CTNNA2: variants seen among roughly 807,000 people sequenced by gnomAD.
CTNNA2 encodes catenin alpha-2.
A neutral mutation model predicts 101.0 loss-of-function variants in CTNNA2; 42 were observed. The observed-to-expected ratio is 0.42, with a 90% CI of 0.32 to 0.54. The LOEUF (loss-of-function observed/expected upper bound fraction) is 0.54. Among genes scored for constraint, CTNNA2 ranks in the 20% least tolerant of loss-of-function variants. The pLI, the probability that CTNNA2 is intolerant of heterozygous loss-of-function variation, is 0.14. For missense variants in CTNNA2, 871 were observed against 1,223.1 expected, an observed-to-expected ratio of 0.71 and a Z score of 4.29; for synonymous variants, 450 against 456.4, an observed-to-expected ratio of 0.99 and a Z score of 0.18.
intron 3 of CTNNA2, among the ~76,000 whole-genome samples, chr2:79,313,439 T>A (rs1336945711): frequency 6.6e-6 from 1 of 152,208 alleles, no homozygotes; most frequent in Non-Finnish European, 1.5e-5. Flanking sequence ...CTCACCATAA[T>A]AATACTGGTA....
intron 2 of CTNNA2, among the ~76,000 whole-genome samples, chr2:79,706,134 G>A (rs1685344333): frequency 6.6e-6 from 1 of 152,116 alleles, no homozygotes; most frequent in African/African-American, 2.4e-5. Flanking sequence ...GGAGGCCGAG[G>A]CAGGCGGATC....
At chr2:79,364,267 G>A (rs1573122898) in intron 3 of CTNNA2, among the ~76,000 whole-genome samples, 1 of 152,270 alleles carries the variant, frequency 6.6e-6, no homozygotes, top group South Asian at 2.1e-4. Context: ...ATAACTGTGT[G>A]TCCACTTGGG....
chr2:79,390,370 A>T (rs1678158658), intron 4 of CTNNA2, among the ~76,000 whole-genome samples: 1 of 152,222 alleles, frequency 6.6e-6, no homozygotes, highest in African/African-American at 2.4e-5. Context: ...AATTCACTTC[A>T]AACCCCAGAC....
intron 7 of CTNNA2, among the ~76,000 whole-genome samples, chr2:79,958,878 C>T (rs1167147713): frequency 6.6e-6 from 1 of 151,818 alleles, no homozygotes; most frequent in Non-Finnish European, 1.5e-5. Flanking sequence ...GTTGAGGATT[C>T]ATTCATTCCT....
intron 11 of CTNNA2, among the ~76,000 whole-genome samples, chr2:80,551,966 A>G (rs1488201117): frequency 6.6e-6 from 1 of 152,124 alleles, no homozygotes; most frequent in Non-Finnish European, 1.5e-5. Flanking sequence ...TTGAATACTT[A>G]AAGGTCATTG....
At chr2:80,382,465 T>C (rs538605487) in intron 7 of CTNNA2, among the ~76,000 whole-genome samples, 1 of 152,300 alleles carries the variant, frequency 6.6e-6, no homozygotes, top group South Asian at 2.1e-4. Context: ...CAATTAACAA[T>C]GCAAGAGGTT....
At chr2:80,140,636 T>C (rs1335874636) in intron 7 of CTNNA2, among the ~76,000 whole-genome samples, 3 of 152,176 alleles carry the variant, frequency 2.0e-5, no homozygotes, top group African/African-American at 7.2e-5. Context: ...TGAAAAACCT[T>C]GTAGTTCATT....
Position 79,670,846 on chromosome 2 carries a change from ATTTCAT to A in CTNNA2, c.102+19192_102+19197del, listed in dbSNP as rs148074391. On this transcript the variant is annotated intron_variant, in intron 2 of 18. Transcript: ENST00000402739. ...TGGAGGTTTATTTCGATTTCAAGAT[ATTTCAT>A]TTTGGTTTACCGCCTTGCTTTGTAG... Among the ~76,000 whole-genome samples the A allele has an allele frequency of 1.9e-3, 288 of 152,188 alleles. 2 individuals are homozygous for A. Among genetic ancestry groups the A allele is most frequent in the African/African-American group, 6.7e-3 (277 of 41,524 alleles).
intron 5 of CTNNA2, among the ~76,000 whole-genome samples, chr2:79,507,375 T>C (rs1207632081): frequency 6.6e-6 from 1 of 152,098 alleles, no homozygotes; most frequent in African/African-American, 2.4e-5. Flanking sequence ...TTAATGCCAT[T>C]ACTGAGGGTG....
At chr2:79,363,576 AT>A (rs1443660102) in intron 3 of CTNNA2, among the ~76,000 whole-genome samples, 1 of 151,654 alleles carries the variant, frequency 6.6e-6, no homozygotes, top group East Asian at 1.9e-4. Context: ...AAAAAAAAAA[AT>A]CTCATCATAT....
intron 7 of CTNNA2, among the ~76,000 whole-genome samples, chr2:80,338,022 T>C (rs1280312545): frequency 6.6e-6 from 1 of 151,730 alleles, no homozygotes; most frequent in African/African-American, 2.4e-5. Flanking sequence ...AGAGTGTCAC[T>C]CTGTTGCCCA....
chr2:80,456,199 C>T (rs1574080713), intron 9 of CTNNA2, among the ~76,000 whole-genome samples: 1 of 152,322 alleles, frequency 6.6e-6, no homozygotes, highest in East Asian at 1.9e-4. Flanking sequence ...CTATTGGTGA[C>T]ATGGAGTACC....
At chr2:79,799,818 GTATTT>G (rs1252751803) in intron 3 of CTNNA2, among the ~76,000 whole-genome samples, 2 of 152,066 alleles carry the variant, frequency 1.3e-5, no homozygotes, top group African/African-American at 2.4e-5. Context: ...TTATGAAAAT[GTATTT>G]TATTTTATAT....
chr2:79,780,387 G>A (rs1002807867), intron 3 of CTNNA2, among the ~76,000 whole-genome samples: 2 of 152,118 alleles, frequency 1.3e-5, no homozygotes, highest in Non-Finnish European at 2.9e-5. Context: ...AATCACATTT[G>A]ACTACCAGAC....
At chr2:80,362,363 T>A (rs1289406820) in intron 7 of CTNNA2, among the ~76,000 whole-genome samples, 1 of 152,068 alleles carries the variant, frequency 6.6e-6, no homozygotes, top group Non-Finnish European at 1.5e-5. Flanking sequence ...GGGAGAGGTC[T>A]CTTCTCTATT....
chr2:80,177,066 A>G (rs1330545053), intron 7 of CTNNA2, among the ~76,000 whole-genome samples: 2 of 152,152 alleles, frequency 1.3e-5, no homozygotes, highest in Non-Finnish European at 2.9e-5. Flanking sequence ...CCTAGTTGGC[A>G]TTGTAATTTG....
chr2:79,982,288 CAT>C (rs1209877511), intron 7 of CTNNA2, among the ~76,000 whole-genome samples: 1 of 123,026 alleles, frequency 8.1e-6, no homozygotes, highest in Non-Finnish European at 1.6e-5. Flanking sequence ...ATATATATAA[CAT>C]ATATAACATA....
At chr2:80,483,943 A>G (rs1686344168) in intron 9 of CTNNA2, among the ~76,000 whole-genome samples, 1 of 152,192 alleles carries the variant, frequency 6.6e-6, no homozygotes, top group African/African-American at 2.4e-5. Flanking sequence ...GTAAGGCAAT[A>G]AATGAACTTC....
chr2:79,607,289 A>G (rs971457241), intron 1 of CTNNA2, among the ~76,000 whole-genome samples: 1 of 152,184 alleles, frequency 6.6e-6, no homozygotes, highest in African/African-American at 2.4e-5. Context: ...CTGCAAGGAG[A>G]AACAGAAAAA....
Sources: gnomAD v4.1 joint callset for allele counts (sites outside exome capture counted in the v4.1 genomes callset) on GRCh38, gnomAD v4.1.1 for gene constraint, MANE v1.5 for transcripts, NCBI Gene and HGNC (gene_info 2026-07-23, HGNC 2026-07-21) for gene names.